Variants in RABGAP1L observed in about 807,000 individuals in gnomAD.
RABGAP1L encodes rab GTPase-activating protein 1-like.
RABGAP1L carries 63 observed loss-of-function variants against 137.7 expected under a neutral mutation model. The observed-to-expected ratio is 0.46, with a 90% CI of 0.37 to 0.56. The LOEUF (loss-of-function observed/expected upper bound fraction) is 0.56. Among genes scored for constraint, RABGAP1L ranks in the 20% least tolerant of loss-of-function variants. The probability of loss-of-function intolerance (pLI) is 0.00; values close to 1 mark genes in which losing one functional copy is unlikely to be tolerated. For synonymous variants in RABGAP1L, 431 were observed against 433.7 expected, an observed-to-expected ratio of 0.99 and a Z score of 0.08; for missense variants, 1,095 against 1,244.0, an observed-to-expected ratio of 0.88 and a Z score of 1.80.
chr1:174,868,758 C>T (rs560537028), intron 19 of RABGAP1L, among the ~76,000 whole-genome samples: 2 of 152,120 alleles, frequency 1.3e-5, no homozygotes, highest in East Asian at 1.9e-4. Context: ...GTCAGGAAAC[C>T]GGAGAGGGCA....
intron 20 of RABGAP1L, among the ~76,000 whole-genome samples, chr1:174,967,144 C>T (rs1315225362): frequency 6.6e-6 from 1 of 150,714 alleles, no homozygotes; most frequent in Non-Finnish European, 1.5e-5. Flanking sequence ...TAAGCATTTC[C>T]TGTTATTATA....
intron 19 of RABGAP1L, among the ~76,000 whole-genome samples, chr1:174,886,024 T>G (rs1200615310): frequency 1.3e-5 from 2 of 151,448 alleles, no homozygotes; most frequent in Non-Finnish European, 2.9e-5. Flanking sequence ...TTTTTTTTTT[T>G]TTTTTTGAGA....
intron 19 of RABGAP1L, among the ~76,000 whole-genome samples, chr1:174,923,878 C>CAAA (rs1176474943): frequency 6.9e-5 from 6 of 87,268 alleles, no homozygotes; most frequent in Admixed American, 2.5e-4. Context: ...GAGACTGTCT[C>CAAA]AAAAAAAAAA....
chr1:174,461,768 G>A (rs1312809619), intron 13 of RABGAP1L, among the ~76,000 whole-genome samples: 2 of 152,062 alleles, frequency 1.3e-5, no homozygotes, highest in African/African-American at 2.4e-5. Flanking sequence ...TAGGAGAGTT[G>A]AACGATGATT....
At chr1:174,324,928 C>G (rs1035006666) in intron 11 of RABGAP1L, among the ~76,000 whole-genome samples, 3 of 152,068 alleles carry the variant, frequency 2.0e-5, no homozygotes, top group Non-Finnish European at 4.4e-5. Flanking sequence ...GGGAAAGAAA[C>G]CTCATTGTAG....
At chr1:174,329,096 C>T (rs1431678416) in intron 11 of RABGAP1L, among the ~76,000 whole-genome samples, 1 of 148,432 alleles carries the variant, frequency 6.7e-6, no homozygotes, top group Non-Finnish European at 1.5e-5. Flanking sequence ...ATTGACAAAC[C>T]TTTATGCAGA....
chr1:174,757,076 A>C, intron 18 of RABGAP1L: 1 of 509,044 alleles, frequency 2.0e-6, no homozygotes, highest in South Asian at 1.5e-5. Flanking sequence ...CTTTTCCCCC[A>C]CGGACTCTGC....
At chr1:174,701,743 C>CAAA (rs34027614) in intron 16 of RABGAP1L, among the ~76,000 whole-genome samples, 16 of 133,150 alleles carry the variant, frequency 1.2e-4, no homozygotes, top group East Asian at 4.4e-4. Flanking sequence ...ACTCTTATCT[C>CAAA]AAAAAAAAAA....
intron 13 of RABGAP1L, among the ~76,000 whole-genome samples, chr1:174,466,651 G>A (rs964926802): frequency 3.3e-5 from 5 of 152,166 alleles, no homozygotes; most frequent in Non-Finnish European, 7.4e-5. Flanking sequence ...GCCAGGCGTG[G>A]TGGCACACCC....
chr1:174,311,626 G>A (rs1016091209), intron 11 of RABGAP1L, among the ~76,000 whole-genome samples: 21 of 152,004 alleles, frequency 1.4e-4, no homozygotes, highest in African/African-American at 4.8e-4. Context: ...ATTTTTTTGA[G>A]ATGGAGTTTC....
chr1:174,873,976 G>A (rs1462452138), intron 19 of RABGAP1L, among the ~76,000 whole-genome samples: 1 of 152,112 alleles, frequency 6.6e-6, no homozygotes, highest in Non-Finnish European at 1.5e-5. Context: ...TGACACTTGA[G>A]AATAGATGGT....
At chr1:174,855,633 A>G (rs918922043) in intron 19 of RABGAP1L, among the ~76,000 whole-genome samples, 1 of 152,084 alleles carries the variant, frequency 6.6e-6, no homozygotes, top group Non-Finnish European at 1.5e-5. Context: ...TAAGCATTCC[A>G]CTTCTATGGG....
chr1:174,857,504 C>T (rs1254616257), intron 19 of RABGAP1L, among the ~76,000 whole-genome samples: 6 of 152,240 alleles, frequency 3.9e-5, no homozygotes, highest in Non-Finnish European at 7.4e-5. Flanking sequence ...TCTGTGAAGT[C>T]ATTGTATCTT....
chr1:174,195,616 T>TCTTC (rs1206660580), intron 1 of RABGAP1L, among the ~76,000 whole-genome samples: 1,114 of 57,586 alleles, frequency 0.019, 52 homozygotes, highest in Non-Finnish European at 0.031. Context: ...TTTCTTTCTT[T>TCTTC]CTTCCTTCCT....
intron 13 of RABGAP1L, among the ~76,000 whole-genome samples, chr1:174,405,111 T>C (rs536183944): frequency 2.6e-5 from 4 of 152,346 alleles, no homozygotes; most frequent in African/African-American, 9.6e-5. Context: ...AATGATAATA[T>C]TGGAAATTCT....
intron 7 of RABGAP1L, among the ~76,000 whole-genome samples, chr1:174,270,710 T>C (rs1449454126): frequency 6.6e-6 from 1 of 152,174 alleles, no homozygotes; most frequent in Admixed American, 6.5e-5. Context: ...CATTATTTCC[T>C]AAGGAGGCTG....
chr1:174,550,983 CAT>C lies in RABGAP1L; in HGVS notation c.1711-86380_1711-86379del, dbSNP rs1240073255. On this transcript the variant is annotated intron_variant, in intron 13 of 25. Transcript: ENST00000681986. ...ACACATATATATACATGTATATATA[CAT>C]ATATATATATACACATATATATATA... 4.6e-3 allele frequency among the ~76,000 whole-genome samples: 384 copies of C among 83,394 alleles called. 30 individuals are homozygous for C. The highest frequency in any genetic ancestry group is 0.021 in the African/African-American group (214 of 10,172). 54.7% of individuals were successfully genotyped at this position (83,394 alleles called of 152,430 possible). A position where few individuals can be genotyped will look rare whatever the true frequency, so the allele number is the denominator to read the frequency against.
chr1:174,933,943 A>C (rs1460022974), intron 19 of RABGAP1L, among the ~76,000 whole-genome samples: 1 of 152,234 alleles, frequency 6.6e-6, no homozygotes. Flanking sequence ...AAATCAAGGA[A>C]TTATACTCGA....
At chr1:174,265,544 G>GA (rs1048423205) in intron 7 of RABGAP1L, among the ~76,000 whole-genome samples, 30,212 of 103,888 alleles carry the variant, frequency 0.29, 3,813 homozygotes, top group Admixed American at 0.31. Flanking sequence ...AGCCTGTCTT[G>GA]AAAAAAAAAA....
Sources: allele counts gnomAD v4.1 joint callset (sites outside exome capture counted in the v4.1 genomes callset), GRCh38; gene constraint gnomAD v4.1.1; transcripts MANE v1.5; gene names NCBI Gene and HGNC (gene_info 2026-07-23, HGNC 2026-07-21).